The following EPHB1 variants were observed in gnomAD, a reference collection of about 807,000 sequenced individuals.
The protein encoded by EPHB1 is ephrin type-B receptor 1.
A neutral mutation model predicts 94.4 loss-of-function variants in EPHB1; 30 were observed. The ratio of observed to expected loss-of-function variants is 0.32; its 90% confidence interval spans 0.24 to 0.43. The LOEUF (loss-of-function observed/expected upper bound fraction) is 0.43. Among genes scored for constraint, EPHB1 ranks in the 20% least tolerant of loss-of-function variants. The pLI is 1.00. For synonymous variants in EPHB1, 522 were observed against 489.1 expected, an observed-to-expected ratio of 1.07 and a Z score of -0.89; for missense variants, 1,055 against 1,308.3, an observed-to-expected ratio of 0.81 and a Z score of 2.99.
chr3:135,143,208 A>G (rs1940888994), intron 5 of EPHB1, among the ~76,000 whole-genome samples: 1 of 152,114 alleles, frequency 6.6e-6, no homozygotes, highest in African/African-American at 2.4e-5. Context: ...AGTCAGAATC[A>G]AGAAGAGGCC....
chr3:135,052,535 G>C (rs972418272), intron 3 of EPHB1, among the ~76,000 whole-genome samples: 2 of 151,960 alleles, frequency 1.3e-5, no homozygotes, highest in Non-Finnish European at 2.9e-5. Context: ...GTGTCTCCAA[G>C]GATCAGCTTT....
At chr3:134,805,923 T>C (rs1406532414) in intron 1 of EPHB1, among the ~76,000 whole-genome samples, 1 of 152,150 alleles carries the variant, frequency 6.6e-6, no homozygotes, top group African/African-American at 2.4e-5. Flanking sequence ...GTGTTTATTT[T>C]GCTGGGTACC....
chr3:135,203,979 T>C (rs1167414381), intron 12 of EPHB1, among the ~76,000 whole-genome samples: 1 of 152,174 alleles, frequency 6.6e-6, no homozygotes, highest in East Asian at 1.9e-4. Context: ...ATTTCACATA[T>C]GTCTACTTTT....
chr3:134,971,946 G>T (rs149561899), intron 3 of EPHB1, among the ~76,000 whole-genome samples: 1 of 152,332 alleles, frequency 6.6e-6, no homozygotes, highest in African/African-American at 2.4e-5. Context: ...CTGTGAGGGT[G>T]AGAGGAACTT....
intron 3 of EPHB1, among the ~76,000 whole-genome samples, chr3:135,045,910 G>T (rs1237017237): frequency 6.6e-6 from 1 of 152,200 alleles, no homozygotes; most frequent in Non-Finnish European, 1.5e-5. Context: ...TGGTGTAGTA[G>T]CAAAGAATAT....
chr3:134,906,991 A>G (rs2038345582), intron 1 of EPHB1, among the ~76,000 whole-genome samples: 1 of 152,238 alleles, frequency 6.6e-6, no homozygotes. Context: ...TATAAACTCT[A>G]ATGGCTAGAC....
intron 9 of EPHB1, among the ~76,000 whole-genome samples, chr3:135,172,163 A>G (rs1941822206): frequency 6.6e-6 from 1 of 152,212 alleles, no homozygotes; most frequent in South Asian, 2.1e-4. Context: ...GAGCAGTGGC[A>G]AGTTCTGATC....
chr3:135,195,495 C>T (rs1032438903), intron 11 of EPHB1, among the ~76,000 whole-genome samples: 6 of 151,164 alleles, frequency 4.0e-5, no homozygotes, highest in African/African-American at 1.5e-4. Context: ...TCTCCCCACC[C>T]CACCACAGTC....
At chr3:135,170,006 T>G (rs1941760856) in intron 9 of EPHB1, among the ~76,000 whole-genome samples, 1 of 152,192 alleles carries the variant, frequency 6.6e-6, no homozygotes, top group Non-Finnish European at 1.5e-5. Context: ...TGTGTGCACA[T>G]AACTATATCT....
chr3:135,065,335 T>G (rs1290255339), intron 3 of EPHB1, among the ~76,000 whole-genome samples: 1 of 152,232 alleles, frequency 6.6e-6, no homozygotes, highest in Non-Finnish European at 1.5e-5. Flanking sequence ...TGTTGCTCTC[T>G]GTCTCATATT....
chr3:135,132,932 A>C lies in EPHB1; in HGVS notation c.1180A>C (p.Ser394Arg). 1 of 1,614,040 alleles carries C rather than the reference A, an allele frequency of 6.2e-7. No homozygotes were observed. The highest frequency in any genetic ancestry group is 8.5e-7 in the Non-Finnish European group (1 of 1,179,894). ...LGLTECRVSISSLWAHTPYTF... is the reference protein window; with the variant it reads ...LGLTECRVSIRSLWAHTPYTF... ...CCTGACGGAGTGCCGCGTCTCCATC[A>C]GCAGCCTGTGGGCCCACACCCCCTA... Residue 394 changes from serine (S) to arginine (R), a missense_variant, in exon 5 of 16, where the codon AGC becomes CGC. Ser to Arg is a moderately radical substitution (Grantham distance 110). Transcript: ENST00000398015.
At position 135,259,310 on chromosome 3, in the gene EPHB1, A is replaced by C; in HGVS notation, c.*190A>C. The C allele has an allele frequency of 2.1e-6, 1 of 472,518 alleles. No individual in the cohort carries two copies. The highest frequency in any genetic ancestry group is 3.4e-5 in the East Asian group (1 of 29,790). 29.3% of individuals were successfully genotyped at this position (472,518 alleles called of 1,614,324 possible). ...TTTCTCAGTGACAGAAGCATGTTTG[A>C]GATGCCGTGGGAAACCAAATATATA... is the stretch of plus-strand genomic sequence containing the variant. On this transcript the variant is annotated 3_prime_UTR_variant, in exon 16 of 16. Coordinates refer to ENST00000398015, the MANE Select transcript of EPHB1 (RefSeq NM_004441.5).
intron 5 of EPHB1, among the ~76,000 whole-genome samples, chr3:135,152,473 G>C (rs538135774): frequency 1.2e-4 from 18 of 152,262 alleles, no homozygotes; most frequent in African/African-American, 4.3e-4. Context: ...CCATGAAGCA[G>C]ACACAAAGAT....
intron 1 of EPHB1, among the ~76,000 whole-genome samples, chr3:134,826,094 A>C (rs895215346): frequency 2.6e-5 from 4 of 151,340 alleles, no homozygotes; most frequent in African/African-American, 9.7e-5. Flanking sequence ...ACAAAAAAAA[A>C]AAAAAAAATC....
intron 2 of EPHB1, among the ~76,000 whole-genome samples, chr3:134,939,126 A>C (rs1249811748): frequency 6.6e-6 from 1 of 152,122 alleles, no homozygotes; most frequent in Non-Finnish European, 1.5e-5. Flanking sequence ...TCTGCTCTTA[A>C]ATATTGCATT....
At chr3:135,173,456 G>C (rs1198330583) in intron 9 of EPHB1, among the ~76,000 whole-genome samples, 5 of 152,154 alleles carry the variant, frequency 3.3e-5, no homozygotes, top group African/African-American at 1.2e-4. Flanking sequence ...CAAACACAAA[G>C]TGTCAGGAAG....
chr3:134,951,573 C>A lies in EPHB1; in HGVS notation c.326C>A (p.Thr109Asn). 1 of 1,613,940 alleles carries A rather than the reference C, an allele frequency of 6.2e-7. No individual in the cohort carries two copies. Among genetic ancestry groups the A allele is most frequent in the Non-Finnish European group, 8.5e-7 (1 of 1,179,892 alleles). Residue 109 changes from threonine (T) to asparagine (N), a missense_variant, in exon 3 of 16, where the codon ACC (threonine) becomes AAC (asparagine). By Grantham distance (65) the Thr-to-Asn change is moderately conservative (BLOSUM62 0). Transcript: ENST00000398015. This position sits in a 1 kb window ranked among gnomAD's most constrained non-coding sequence, Gnocchi z 4.5. The stretch of plus-strand genomic sequence containing the variant: ...AATGTCCCAGGATCCTGCAAGGAGA[C>A]CTTCAACTTGTATTACTATGAGACT... Reference protein sequence around the residue: ...LPNVPGSCKETFNLYYYETDS... With the variant: ...LPNVPGSCKENFNLYYYETDS...
chr3:134,816,635 A>T (rs1329469018), intron 1 of EPHB1, among the ~76,000 whole-genome samples: 1 of 152,024 alleles, frequency 6.6e-6, no homozygotes, highest in East Asian at 1.9e-4. Context: ...TTTGAAACAG[A>T]TTCCCAGGCA....
At chr3:134,846,613 C>T (rs561955023) in intron 1 of EPHB1, among the ~76,000 whole-genome samples, 1 of 152,146 alleles carries the variant, frequency 6.6e-6, no homozygotes, top group Non-Finnish European at 1.5e-5. Context: ...AAAATCTGCT[C>T]CTGCCTGAGG....
Sources: allele counts gnomAD v4.1 joint callset (sites outside exome capture counted in the v4.1 genomes callset), GRCh38; gene constraint gnomAD v4.1.1; non-coding constraint Gnocchi (gnomAD v3.1); transcripts MANE v1.5; gene names NCBI Gene and HGNC (gene_info 2026-07-23, HGNC 2026-07-21).